The following UBN2 variants were observed in gnomAD, a reference collection of about 807,000 sequenced individuals.
UBN2 encodes ubinuclein-2.
In UBN2, 35 loss-of-function variants were observed where a neutral mutation model predicts 120.2. The observed-to-expected ratio is 0.29, with a 90% CI of 0.22 to 0.39. The LOEUF (loss-of-function observed/expected upper bound fraction) is 0.39. Among genes scored for constraint, UBN2 ranks in the 10% least tolerant of loss-of-function variants. UBN2 has a pLI of 1.00. For missense variants in UBN2, 1,693 were observed against 1,663.2 expected, an observed-to-expected ratio of 1.02 and a Z score of -0.31; for synonymous variants, 661 against 648.7, an observed-to-expected ratio of 1.02 and a Z score of -0.29.
At chr7:139,233,538 C>A (rs1796083909) in intron 1 of UBN2, among the ~76,000 whole-genome samples, 1 of 152,138 alleles carries the variant, frequency 6.6e-6, no homozygotes. Flanking sequence ...TCCAACAGAA[C>A]TCCACGAGGT....
chr7:139,260,906 C>T (rs1458155205), intron 5 of UBN2, among the ~76,000 whole-genome samples: 1 of 152,182 alleles, frequency 6.6e-6, no homozygotes, highest in Non-Finnish European at 1.5e-5. Flanking sequence ...GTGACTGAAA[C>T]ACGGGGCTGC....
At chr7:139,282,479 A>T (rs1448338601) in intron 14 of UBN2, among the ~76,000 whole-genome samples, 6 of 152,154 alleles carry the variant, frequency 3.9e-5, no homozygotes, top group Admixed American at 3.9e-4. Flanking sequence ...AAATAGCATA[A>T]TTTATTTATG....
At chr7:139,259,421 T>G in intron 5 of UBN2, 51 bp downstream of exon 5, 2 of 1,598,398 alleles carry the variant, frequency 1.3e-6, no homozygotes, top group Non-Finnish European at 1.7e-6. Flanking sequence ...TCTGACTGTC[T>G]CTCCCTTTAG....
In UBN2 at chr7:139,261,755, T is replaced by C. The variant is rs749464592; in HGVS notation, c.1395+14T>C. On this transcript the variant is annotated intron_variant, in intron 6 of 17. Transcript: ENST00000473989. ...GACCTTCGTGTAGTAAGTGTAATAA[T>C]TCTCTTGCTTTTTATTTGCTGCACA... 2.5e-6 allele frequency: 4 copies of C among 1,590,952 alleles called. No homozygotes were observed. The African/African-American group carries it at 5.4e-5, about 21-fold the overall frequency.
chr7:139,265,435 G>A (rs973231419), intron 6 of UBN2, among the ~76,000 whole-genome samples: 13 of 152,018 alleles, frequency 8.6e-5, no homozygotes, highest in African/African-American at 3.1e-4. Flanking sequence ...CCGAGATCGC[G>A]CCACTGCACT....
At chr7:139,291,541 G>A (rs1287727244) in intron 15 of UBN2, among the ~76,000 whole-genome samples, 1 of 152,056 alleles carries the variant, frequency 6.6e-6, no homozygotes, top group Non-Finnish European at 1.5e-5. Context: ...CTGTTGATAA[G>A]TAAGTGCACA....
At position 139,231,664 on chromosome 7, in the gene UBN2, C is replaced by T; in HGVS notation, c.180C>T (p.Arg60=). ...CGGCCCCGCGGGAGCCTGCCCCCCGCTCGGACGCGCAGCCCCCGTCGCGGG... is the reference window on the plus strand; with the variant it reads ...CGGCCCCGCGGGAGCCTGCCCCCCGTTCGGACGCGCAGCCCCCGTCGCGGG... ...EPPAPREPAP[R]SDAQPPSREK... The change falls in exon 1 of 18, where the codon CGC becomes CGT. Residue 60 remains arginine (R), a synonymous_variant. Transcript: ENST00000473989. 1 of 1,195,136 alleles carries T rather than the reference C, an allele frequency of 8.4e-7. No homozygotes were observed. Among genetic ancestry groups the T allele is most frequent in the Non-Finnish European group, 1.0e-6 (1 of 967,186 alleles). The allele number at this position is 1,195,136 out of a possible 1,614,324, so 74.0% of individuals were successfully genotyped here. A position where few individuals can be genotyped will look rare whatever the true frequency, so the allele number is the denominator to read the frequency against.
intron 17 of UBN2, among the ~76,000 whole-genome samples, chr7:139,295,687 A>G (rs1246073222): frequency 6.6e-6 from 1 of 152,262 alleles, no homozygotes; most frequent in Non-Finnish European, 1.5e-5. Context: ...TGGGAGGCCA[A>G]GGCAGGCGGA....
In UBN2 at chr7:139,276,710, A is replaced by G. The variant is rs554792510; in HGVS notation, c.2024+563A>G. ...TGGTTGAATATTGGTCAATTCCAGA[A>G]CAGTTTCATTTTTCCCTACAACGTA... On this transcript the variant is annotated intron_variant, in intron 12 of 17. Transcript: ENST00000473989. 207 of 153,134 alleles carry G rather than the reference A, an allele frequency of 1.4e-3. 2 individuals are homozygous for G. In the South Asian group the frequency reaches 0.027, roughly 20 times the overall value. The allele number at this position is 153,134 out of a possible 1,614,324, so 9.5% of individuals were successfully genotyped here.
At chr7:139,259,871 C>T (rs1260477472) in intron 5 of UBN2, among the ~76,000 whole-genome samples, 2 of 152,012 alleles carry the variant, frequency 1.3e-5, no homozygotes, top group South Asian at 2.1e-4. Flanking sequence ...GCCTCAGCCT[C>T]CCAAGTAGCT....
At chr7:139,269,721 A>G (rs1177903281) in intron 8 of UBN2, among the ~76,000 whole-genome samples, 198 bp downstream of exon 8, 1 of 152,214 alleles carries the variant, frequency 6.6e-6, no homozygotes, top group Non-Finnish European at 1.5e-5. Context: ...TAGATGAGAA[A>G]TGTTTTCTAC....
intron 15 of UBN2, among the ~76,000 whole-genome samples, chr7:139,290,554 A>G (rs1293666648): frequency 6.6e-6 from 1 of 152,250 alleles, no homozygotes; most frequent in Admixed American, 6.5e-5. Flanking sequence ...CCCTGATGAA[A>G]GCAGTTGACA....
chr7:139,260,659 C>A (rs752836219), intron 5 of UBN2, among the ~76,000 whole-genome samples: 5 of 152,014 alleles, frequency 3.3e-5, no homozygotes, highest in Non-Finnish European at 5.9e-5. Context: ...TTCTCCCCTC[C>A]TAAAACTTGG....
At chr7:139,237,211 C>A in intron 2 of UBN2, 114 bp downstream of exon 2, 1 of 534,886 alleles carries the variant, frequency 1.9e-6, no homozygotes, top group East Asian at 3.3e-5. Context: ...TTGTTCTCAC[C>A]AATGGAAACC....
intron 6 of UBN2, among the ~76,000 whole-genome samples, chr7:139,266,035 T>C (rs1261689503): frequency 6.6e-6 from 1 of 152,072 alleles, no homozygotes; most frequent in African/African-American, 2.4e-5. Flanking sequence ...TCACAACTCA[T>C]TTGGTGTTCT....
At chr7:139,278,754 A>G (rs965281860) in intron 12 of UBN2, among the ~76,000 whole-genome samples, 3 of 152,200 alleles carry the variant, frequency 2.0e-5, no homozygotes, top group African/African-American at 4.8e-5. Context: ...TAGCTTGTCA[A>G]CAATTTAATT....
intron 12 of UBN2, 104 bp downstream of exon 12, chr7:139,276,251 A>T (rs1439411314): frequency 9.0e-7 from 1 of 1,114,386 alleles, no homozygotes. Flanking sequence ...ACTTAAAAAG[A>T]TCATTTTGAC....
intron 11 of UBN2, 44 bp downstream of exon 11, chr7:139,274,118 T>C (rs1797369713): frequency 6.5e-7 from 1 of 1,530,040 alleles, no homozygotes; most frequent in Non-Finnish European, 8.7e-7. Context: ...TTTATTATTA[T>C]TGCTGTTATT....
At chr7:139,328,454 CAGAGCCAAACCATATCAGGGGCCACAGCT>C in the UBN2 span, among the ~76,000 whole-genome samples, 3 of 152,290 alleles carry the variant, frequency 2.0e-5, no homozygotes, top group East Asian at 3.9e-4. Context: ...GGTGGGGACA[CAGAGCCAAACCATATCAGGGGCCACAGCT>C]AGAGCCAAAC....
Sources: allele counts gnomAD v4.1 joint callset (sites outside exome capture counted in the v4.1 genomes callset), GRCh38; gene constraint gnomAD v4.1.1; transcripts MANE v1.5; gene names NCBI Gene and HGNC (gene_info 2026-07-23, HGNC 2026-07-21).